Variants in SGCZ observed in about 807,000 individuals in gnomAD.
The protein encoded by SGCZ is zeta-sarcoglycan.
Under a neutral mutation model 41.3 loss-of-function variants are expected in SGCZ, and 40 were observed. The observed-to-expected ratio is 0.97, with a 90% CI of 0.75 to 1.26. The LOEUF (loss-of-function observed/expected upper bound fraction) is 1.26, where lower values mean the gene tolerates loss of function less well. Among genes scored for constraint, SGCZ ranks in the 50% most tolerant of loss-of-function variants. SGCZ has a pLI of 0.00. For missense variants in SGCZ, 552 were observed against 369.8 expected (o/e 1.49, Z -4.04); for synonymous variants, 206 against 137.5 (o/e 1.50, Z -3.49).
At chr8:14,297,859 A>T (rs1801064945) in intron 3 of SGCZ, among the ~76,000 whole-genome samples, 2 of 151,906 alleles carry the variant, frequency 1.3e-5, no homozygotes, top group Admixed American at 6.6e-5. Context: ...CTCTTTCAGA[A>T]AAAAAAAGGA....
Position 15,002,660 on chromosome 8 carries a change from T to G in SGCZ, c.39+234925A>C, listed in dbSNP as rs138149401. ...TCAGCTCATCACCTTCTCAAGCTTT[T>G]TGGGGGGAAATCTTTAGTTTCCATT... On this transcript the variant is annotated intron_variant, in intron 1 of 7. Coordinates refer to ENST00000382080, the MANE Select transcript of SGCZ (RefSeq NM_139167.4). 4.2e-3 allele frequency among the ~76,000 whole-genome samples: 646 copies of G among 152,324 alleles called. 5 individuals carry two copies. Among genetic ancestry groups the G allele is most frequent in the African/African-American group, 0.015 (619 of 41,578 alleles).
Position 14,177,498 on chromosome 8 carries a change from T to TTTTG in SGCZ, c.425-12800_425-12797dup, listed in dbSNP as rs146427241. ...ATCTTTTAAAGCTATCTGTTTCCTT[T>TTTTG]TTTGTTTGTTTGTTTGTTTGTTTGT... On this transcript the variant is annotated intron_variant, in intron 4 of 7. Coordinates refer to ENST00000382080, the MANE Select transcript of SGCZ (RefSeq NM_139167.4). Among the ~76,000 whole-genome samples the TTTTG allele has an allele frequency of 9.0e-3, 1,367 of 151,146 alleles. 8 individuals are homozygous for TTTTG. The highest frequency in any genetic ancestry group is 0.022 in the African/African-American group (904 of 41,368).
At chr8:14,547,491 A>C (rs1803667456) in intron 2 of SGCZ, among the ~76,000 whole-genome samples, 1 of 152,192 alleles carries the variant, frequency 6.6e-6, no homozygotes, top group Admixed American at 6.6e-5. Context: ...CATCAAGGAC[A>C]TAAGACATTT....
intron 3 of SGCZ, among the ~76,000 whole-genome samples, chr8:14,304,658 C>A (rs1801294908): frequency 6.6e-6 from 1 of 152,120 alleles, no homozygotes; most frequent in African/African-American, 2.4e-5. Flanking sequence ...GTTTATGTAG[C>A]TTTACATGCC....
chr8:14,183,506 T>C (rs1804798780), intron 4 of SGCZ, among the ~76,000 whole-genome samples: 1 of 152,204 alleles, frequency 6.6e-6, no homozygotes, highest in Non-Finnish European at 1.5e-5. Flanking sequence ...GCACAGTATC[T>C]GCACATTATA....
chr8:14,170,752 C>T (rs764074376), intron 4 of SGCZ, among the ~76,000 whole-genome samples: 2 of 152,052 alleles, frequency 1.3e-5, no homozygotes, highest in African/African-American at 2.4e-5. Context: ...ATATTTTTTA[C>T]ACCTCATAGT....
Position 14,430,364 on chromosome 8 carries a change from A to G in SGCZ, c.235-106160T>C, listed in dbSNP as rs1799909777. 1.3e-5 allele frequency among the ~76,000 whole-genome samples: 2 copies of G among 152,208 alleles called. 1 individual carries two copies. The highest frequency in any genetic ancestry group is 2.9e-5 in the Non-Finnish European group (2 of 68,030). ...AATTCACCATAATCAAGTGGGTTTC[A>G]TACCAGGGATGCAGTAATGGTTTAA... On this transcript the variant is annotated intron_variant, in intron 2 of 7. Transcript: ENST00000382080.
intron 4 of SGCZ, among the ~76,000 whole-genome samples, chr8:14,190,563 G>C (rs554665552): frequency 1.4e-4 from 22 of 152,144 alleles, no homozygotes; most frequent in African/African-American, 5.3e-4. Flanking sequence ...TATGTACACA[G>C]AAGAGGGATT....
intron 5 of SGCZ, among the ~76,000 whole-genome samples, chr8:14,155,967 A>G (rs886767720): frequency 6.6e-6 from 1 of 152,136 alleles, no homozygotes; most frequent in Non-Finnish European, 1.5e-5. Flanking sequence ...ATATCTAAAC[A>G]CAGAAAAGGT....
intron 2 of SGCZ, among the ~76,000 whole-genome samples, chr8:14,337,790 T>G (rs1411162465): frequency 6.6e-6 from 1 of 152,178 alleles, no homozygotes; most frequent in Non-Finnish European, 1.5e-5. Flanking sequence ...CTCCCCTGCA[T>G]GGGTCAGAGC....
chr8:14,253,627 T>A (rs1799362090), intron 3 of SGCZ, among the ~76,000 whole-genome samples: 1 of 152,106 alleles, frequency 6.6e-6, no homozygotes, highest in South Asian at 2.1e-4. Flanking sequence ...TAAAAAGGTA[T>A]CTAATGAGAA....
chr8:15,103,353 A>T (rs550809656), intron 1 of SGCZ, among the ~76,000 whole-genome samples: 1 of 152,232 alleles, frequency 6.6e-6, no homozygotes, highest in Admixed American at 6.5e-5. Flanking sequence ...GTGAGCAGAG[A>T]TGGCGCCACT....
At chr8:15,078,449 G>A (rs1008310395) in intron 1 of SGCZ, among the ~76,000 whole-genome samples, 2 of 151,706 alleles carry the variant, frequency 1.3e-5, no homozygotes, top group African/African-American at 4.8e-5. Context: ...TGAAAAACTG[G>A]TATCTTTTTG....
At chr8:14,325,747 CATATATATATATATATATAT>C (rs370021799) in intron 2 of SGCZ, among the ~76,000 whole-genome samples, 12,922 of 69,430 alleles carry the variant, frequency 0.19, 1,053 homozygotes, top group Middle Eastern at 0.36. Flanking sequence ...CACACACACA[CATATATATATATATATATAT>C]ATATATATAT....
At chr8:14,456,832 T>C (rs1157027760) in intron 2 of SGCZ, among the ~76,000 whole-genome samples, 2 of 152,164 alleles carry the variant, frequency 1.3e-5, no homozygotes, top group Non-Finnish European at 1.5e-5. Flanking sequence ...CTGCTGTCTT[T>C]GTGATAGTGA....
Position 15,143,422 on chromosome 8 carries a change from GA to G in SGCZ, c.39+94162del, listed in dbSNP as rs545919182. 1.1e-4 allele frequency among the ~76,000 whole-genome samples: 16 copies of G among 151,838 alleles called. No individual in the cohort carries two copies. The South Asian group carries it at 3.3e-3, about 32-fold the overall frequency. On this transcript the variant is annotated intron_variant, in intron 1 of 7. Transcript: ENST00000382080. ...GGCTCAAGCAAAGTAGCTCTCACAGGAAAAAAAATGAAATGTATTTAAGAGA... is the reference window on the plus strand; with the variant it reads ...GGCTCAAGCAAAGTAGCTCTCACAGGAAAAAAATGAAATGTATTTAAGAGA...
At chr8:14,608,217 A>G (rs1310366180) in intron 1 of SGCZ, among the ~76,000 whole-genome samples, 1 of 151,530 alleles carries the variant, frequency 6.6e-6, no homozygotes, top group Non-Finnish European at 1.5e-5. Flanking sequence ...ATGTGAATAC[A>G]GCTTTCCACA....
intron 1 of SGCZ, among the ~76,000 whole-genome samples, chr8:15,146,307 T>C (rs907151949): frequency 1.3e-5 from 2 of 152,238 alleles, no homozygotes; most frequent in South Asian, 4.1e-4. Flanking sequence ...TAATTATATA[T>C]AAATGTTACG....
At chr8:14,382,611 G>A (rs373532220) in intron 2 of SGCZ, among the ~76,000 whole-genome samples, 4 of 152,136 alleles carry the variant, frequency 2.6e-5, no homozygotes, top group African/African-American at 7.2e-5. Context: ...GGGGACGTTC[G>A]AGAATATTTG....
Sources: allele counts gnomAD v4.1 joint callset (sites outside exome capture counted in the v4.1 genomes callset), GRCh38; gene constraint gnomAD v4.1.1; transcripts MANE v1.5; gene names NCBI Gene and HGNC (gene_info 2026-07-23, HGNC 2026-07-21).